Variants in CADM1 observed in about 807,000 individuals in gnomAD.
The protein encoded by CADM1 is cell adhesion molecule 1.
CADM1 carries 15 observed loss-of-function variants against 53.1 expected under a neutral mutation model. The ratio of observed to expected loss-of-function variants is 0.28; its 90% CI spans 0.19 to 0.44. The LOEUF (loss-of-function observed/expected upper bound fraction) is 0.44, where lower values mean the gene tolerates loss of function less well. CADM1 is among the 20% of genes least tolerant of loss of function. CADM1 has a pLI of 1.00. For missense variants in CADM1, 434 were observed against 611.3 expected (o/e 0.71, Z 3.06); for synonymous variants, 281 against 243.0 (o/e 1.16, Z -1.45).
At chr11:115,453,112 C>T (rs1417009217) in intron 1 of CADM1, among the ~76,000 whole-genome samples, 1 of 152,140 alleles carries the variant, frequency 6.6e-6, no homozygotes, top group Non-Finnish European at 1.5e-5. Flanking sequence ...TGCAGTGGCT[C>T]ATGCCTACAA....
intron 3 of CADM1, among the ~76,000 whole-genome samples, chr11:115,235,842 T>TTC (rs1426992876): frequency 6.6e-6 from 1 of 152,162 alleles, no homozygotes; most frequent in East Asian, 1.9e-4. Flanking sequence ...AAGAAGTGTA[T>TTC]TCTCTGTCTC....
chr11:115,494,426 T>C (rs1286918767), intron 1 of CADM1, among the ~76,000 whole-genome samples: 1 of 152,152 alleles, frequency 6.6e-6, no homozygotes, highest in Non-Finnish European at 1.5e-5. Context: ...TTAAACATAG[T>C]ATATAAAATA....
chr11:115,478,670 T>G (rs1338471179), intron 1 of CADM1, among the ~76,000 whole-genome samples: 1 of 152,176 alleles, frequency 6.6e-6, no homozygotes, highest in East Asian at 1.9e-4. Flanking sequence ...AATCTCACTC[T>G]CTAGAGATAG....
At chr11:115,474,017 C>T (rs1309402456) in intron 1 of CADM1, among the ~76,000 whole-genome samples, 2 of 151,974 alleles carry the variant, frequency 1.3e-5, no homozygotes, top group South Asian at 2.1e-4. Flanking sequence ...AAAATATGGA[C>T]GGGCACAGTG....
At chr11:115,271,386 C>T (rs1290245753) in intron 1 of CADM1, among the ~76,000 whole-genome samples, 4 of 152,002 alleles carry the variant, frequency 2.6e-5, no homozygotes, top group African/African-American at 9.7e-5. Context: ...GGGTTCATGC[C>T]ACTCTCCTGC....
intron 1 of CADM1, among the ~76,000 whole-genome samples, chr11:115,407,709 T>C (rs1947350437): frequency 6.6e-6 from 1 of 151,728 alleles, no homozygotes; most frequent in Non-Finnish European, 1.5e-5. Context: ...TCTCTACAGA[T>C]AATTTAAAAA....
Position 115,340,642 on chromosome 11 carries a change from ATATATATATATATATATT to A in CADM1, c.125-100240_125-100223del, listed in dbSNP as rs1307278376. Among the ~76,000 whole-genome samples, 31 of 31,358 alleles carry A rather than the reference ATATATATATATATATATT, an allele frequency of 9.9e-4. 2 individuals are homozygous for A. In the South Asian group the frequency reaches 0.03, roughly 30 times the overall value. The allele number at this position is 31,358 out of a possible 152,430, so 20.6% of individuals were successfully genotyped here. ...TAATAAATATTATATATATATATAT[ATATATATATATATATATT>A]TTTTTTTTTTTTTTTTTTGAGACAG... On this transcript the variant is annotated intron_variant, in intron 1 of 11. Transcript: ENST00000331581.
At chr11:115,457,856 G>A (rs1330902136) in intron 1 of CADM1, among the ~76,000 whole-genome samples, 1 of 152,080 alleles carries the variant, frequency 6.6e-6, no homozygotes, top group Non-Finnish European at 1.5e-5. Flanking sequence ...GTGCATTCTG[G>A]CAAGAATATA....
In CADM1 at chr11:115,413,649, T is replaced by TC. The variant is rs1381865580; in HGVS notation, c.124+90621_124+90622insG. ...AGTGTGGCTCCAGCTCAGTTCTTTT[T>TC]TTTTTTTTTCTCTGAGACAGAGTCT... On this transcript the variant is annotated intron_variant, in intron 1 of 11. Transcript: ENST00000331581. Among the ~76,000 whole-genome samples, 3 of 147,158 alleles carry TC rather than the reference T, an allele frequency of 2.0e-5. 1 individual carries two copies. Among genetic ancestry groups the TC allele is most frequent in the Non-Finnish European group, 3.0e-5 (2 of 65,788 alleles).
rs1234806054 is a variant in CADM1, at chr11:115,301,735, T to A, written c.125-61315A>T. On this transcript the variant is annotated intron_variant, in intron 1 of 11. Transcript: ENST00000331581. ...CATTTGGTGTGTGACTTTGGCTTAT[T>A]CAATTTCTCTAAGTCTCACCTTCCT... 3.3e-5 allele frequency among the ~76,000 whole-genome samples: 5 copies of A among 152,170 alleles called. No homozygotes were observed. In the East Asian group the frequency reaches 9.7e-4, roughly 29 times the overall value.
At chr11:115,302,539 A>G (rs1235662129) in intron 1 of CADM1, among the ~76,000 whole-genome samples, 1 of 152,060 alleles carries the variant, frequency 6.6e-6, no homozygotes, top group Non-Finnish European at 1.5e-5. Context: ...AGATTTTGTG[A>G]AGTTTATAGT....
At chr11:115,401,880 G>T (rs1195932007) in intron 1 of CADM1, among the ~76,000 whole-genome samples, 2 of 152,004 alleles carry the variant, frequency 1.3e-5, no homozygotes, top group African/African-American at 4.8e-5. Flanking sequence ...AACAGGGAAG[G>T]CTATGCATGT....
At chr11:115,466,906 C>T (rs563379441) in intron 1 of CADM1, among the ~76,000 whole-genome samples, 1 of 152,212 alleles carries the variant, frequency 6.6e-6, no homozygotes, top group South Asian at 2.1e-4. Context: ...AAGCACCACC[C>T]GAACTTACAG....
intron 1 of CADM1, among the ~76,000 whole-genome samples, chr11:115,418,256 G>C (rs1271461969): frequency 1.3e-5 from 2 of 152,120 alleles, no homozygotes; most frequent in Non-Finnish European, 2.9e-5. Context: ...TTCTTTAATA[G>C]TATAGCCCGA....
intron 1 of CADM1, among the ~76,000 whole-genome samples, chr11:115,312,789 C>T (rs1319034194): frequency 6.6e-6 from 1 of 152,064 alleles, no homozygotes; most frequent in Non-Finnish European, 1.5e-5. Context: ...ATAGCAAGAA[C>T]TCTGACAACC....
intron 8 of CADM1, among the ~76,000 whole-genome samples, chr11:115,203,493 T>C (rs530320392): frequency 3.3e-5 from 5 of 152,254 alleles, no homozygotes; most frequent in Non-Finnish European, 5.9e-5. Context: ...GAGGGCTGGG[T>C]CCTTCCAGTC....
intron 1 of CADM1, among the ~76,000 whole-genome samples, chr11:115,284,121 T>C (rs1308429847): frequency 3.5e-4 from 45 of 129,660 alleles, no homozygotes. Flanking sequence ...TCTCTGTGTG[T>C]GTGTGTGTGT....
intron 1 of CADM1, among the ~76,000 whole-genome samples, chr11:115,244,966 C>A (rs1340590313): frequency 6.6e-6 from 1 of 152,190 alleles, no homozygotes; most frequent in East Asian, 1.9e-4. Flanking sequence ...CTCTCGCCCC[C>A]GCTGCCTGGC....
chr11:115,346,954 CA>C (rs902022269), intron 1 of CADM1, among the ~76,000 whole-genome samples: 3 of 149,124 alleles, frequency 2.0e-5, no homozygotes, highest in African/African-American at 4.9e-5. Flanking sequence ...AAGGAAAAAA[CA>C]AAAAAAAACC....
Sources: gnomAD v4.1 joint callset for allele counts (sites outside exome capture counted in the v4.1 genomes callset) on GRCh38, gnomAD v4.1.1 for gene constraint, MANE v1.5 for transcripts, NCBI Gene and HGNC (gene_info 2026-07-23, HGNC 2026-07-21) for gene names.